The following ACSL4 variants were observed in gnomAD, a reference collection of about 807,000 sequenced individuals.
ACSL4 encodes long-chain-fatty-acid--CoA ligase 4.
Under a neutral mutation model 49.1 loss-of-function variants are expected in ACSL4, and 9 were observed. The observed-to-expected ratio is 0.18, with a 90% CI of 0.11 to 0.32. The LOEUF is 0.32. Among genes scored for constraint, ACSL4 ranks in the 10% least tolerant of loss-of-function variants. The pLI, the probability that ACSL4 is intolerant of heterozygous loss-of-function variation, is 1.00. For synonymous variants in ACSL4, 191 were observed against 170.3 expected (o/e 1.12, Z -0.95); for missense variants, 333 against 493.7 (o/e 0.67, Z 3.08).
At chrX:109,683,016 T>G (rs1483149159) in intron 3 of ACSL4, 120 bp from the exon 4 acceptor site, 4 of 1,025,299 alleles carry the variant, frequency 3.9e-6, no homozygotes, top group Non-Finnish European at 4.0e-6. Context: ...GAGCGGCTTC[T>G]GAGTAGTTTT....
chrX:109,720,897 G>A (rs895767837), intron 1 of ACSL4, among the ~76,000 whole-genome samples: 3 of 111,857 alleles, frequency 2.7e-5, no homozygotes, highest in Admixed American at 9.5e-5. Flanking sequence ...TGACCAAATC[G>A]GGAAAGTTTC....
intron 4 of ACSL4, 28 bp downstream of exon 4, chrX:109,682,691 C>A: frequency 8.3e-7 from 1 of 1,207,600 alleles, no homozygotes; most frequent in Non-Finnish European, 1.1e-6. Flanking sequence ...ACCCTCCTCT[C>A]CCCCCTCCAA....
chrX:109,680,915 T>C, intron 6 of ACSL4, 83 bp downstream of exon 6: 1 of 1,029,342 alleles, frequency 9.7e-7, no homozygotes, highest in Non-Finnish European at 1.4e-6. Context: ...TTTGTGGATT[T>C]ACTCATGTCA....
At chrX:109,727,657 T>TTG (rs35186119) in intron 1 of ACSL4, among the ~76,000 whole-genome samples, 3,630 of 88,169 alleles carry the variant, frequency 0.041, 99 homozygotes, top group Middle Eastern at 0.068. Context: ...GTTTGTTAAA[T>TTG]TGTGTGTGTG....
chrX:109,660,492 A>G (rs1922083034), intron 14 of ACSL4, among the ~76,000 whole-genome samples: 1 of 112,043 alleles, frequency 8.9e-6, no homozygotes, highest in Admixed American at 9.5e-5. Flanking sequence ...GAAATGTAAA[A>G]ATGGTGCTGT....
At chrX:109,651,692 T>C (rs922337364) in intron 15 of ACSL4, among the ~76,000 whole-genome samples, 2 of 111,968 alleles carry the variant, frequency 1.8e-5, no homozygotes, top group East Asian at 5.6e-4. Flanking sequence ...CAATTTTTTA[T>C]TTCATTTTAC....
chrX:109,654,253 A>G (rs1287659931), intron 15 of ACSL4, among the ~76,000 whole-genome samples: 1 of 110,991 alleles, frequency 9.0e-6, no homozygotes, highest in Non-Finnish European at 1.9e-5. Flanking sequence ...GCTTAAGTAT[A>G]TATACCAAAA....
chrX:109,684,510 C>T (rs1321250917), intron 2 of ACSL4, among the ~76,000 whole-genome samples: 1 of 112,264 alleles, frequency 8.9e-6, no homozygotes, highest in Non-Finnish European at 1.9e-5. Context: ...TGGAGTTGCT[C>T]TGGCCAAAAC....
At position 109,674,436 on chromosome X, in the gene ACSL4, G is replaced by C; in HGVS notation, c.968C>G (p.Thr323Ser). 8.3e-7 allele frequency: 1 copy of C among 1,206,657 alleles called. No individual in the cohort carries two copies. Among genetic ancestry groups the C allele is most frequent in the Non-Finnish European group, 1.1e-6 (1 of 892,191 alleles). ...AGCCATAAGTGTGGGCTTCAGTACA[G>C]TACAGTCTCCTTTGCTTCCTTTTTT... Reference protein sequence around the residue: ...KIKKGSKGDCTVLKPTLMAAV... With the variant: ...KIKKGSKGDCSVLKPTLMAAV... Residue 323 changes from threonine (T) to serine (S), a missense_variant, in exon 9 of 16, where the codon ACT (threonine) becomes AGT (serine). Transcript: ENST00000672401.
intron 1 of ACSL4, among the ~76,000 whole-genome samples, chrX:109,710,263 C>G (rs888510707): frequency 2.7e-5 from 3 of 111,711 alleles, no homozygotes; most frequent in Admixed American, 9.5e-5. Context: ...CCATAGAGAA[C>G]AAGGCAAGAA....
intron 15 of ACSL4, among the ~76,000 whole-genome samples, chrX:109,646,521 G>A (rs1338849390): frequency 9.1e-6 from 1 of 109,442 alleles, no homozygotes; most frequent in Non-Finnish European, 1.9e-5. Context: ...CCTGAAGGAA[G>A]TGCTAAACAT....
intron 15 of ACSL4, among the ~76,000 whole-genome samples, chrX:109,650,770 A>G (rs1921047159): frequency 8.9e-6 from 1 of 112,092 alleles, no homozygotes; most frequent in African/African-American, 3.2e-5. Context: ...TCACCACCCA[A>G]CATATTATAT....
intron 1 of ACSL4, among the ~76,000 whole-genome samples, chrX:109,719,970 G>T (rs2147537758): frequency 9.1e-6 from 1 of 110,072 alleles, no homozygotes; most frequent in African/African-American, 3.3e-5. Flanking sequence ...TCCAGCCTGG[G>T]CAACAAGAGC....
At chrX:109,680,460 G>T (rs753304582) in intron 6 of ACSL4, among the ~76,000 whole-genome samples, 1 of 112,124 alleles carries the variant, frequency 8.9e-6, no homozygotes, top group Non-Finnish European at 1.9e-5. Flanking sequence ...TTCAAATGGA[G>T]TATTAATTTC....
At chrX:109,673,280 G>C (rs1923421111) in intron 9 of ACSL4, among the ~76,000 whole-genome samples, 1 of 111,751 alleles carries the variant, frequency 8.9e-6, no homozygotes, top group Non-Finnish European at 1.9e-5. Context: ...CAGATTGGTA[G>C]AGTTCAAACT....
chrX:109,649,335 T>C (rs1229727335), intron 15 of ACSL4, among the ~76,000 whole-genome samples: 2 of 110,895 alleles, frequency 1.8e-5, no homozygotes, highest in African/African-American at 3.3e-5. Context: ...GAGATACAGA[T>C]CAATGGAACA....
chrX:109,728,315 A>G (rs1282324124), intron 1 of ACSL4, among the ~76,000 whole-genome samples: 1 of 112,586 alleles, frequency 8.9e-6, no homozygotes, highest in Non-Finnish European at 1.9e-5. Context: ...ATGGTCATGA[A>G]TCATAACTTC....
rs759573600 is a variant in ACSL4, at chrX:109,699,457, T to C, written c.-65-3261A>G. Among the ~76,000 whole-genome samples the C allele has an allele frequency of 1.8e-4, 20 of 112,709 alleles. No homozygotes were observed. The South Asian group carries it at 2.2e-3, about 12-fold the overall frequency. ...AAACAATTCCCTAAACAATGGTCCT[T>C]GATAGGTCTTATTTTAGATAAGTAT... On this transcript the variant is annotated intron_variant, in intron 1 of 15. Transcript: ENST00000672401.
intron 3 of ACSL4, 78 bp from the exon 4 acceptor site, chrX:109,682,974 A>G (rs1924293454): frequency 9.2e-7 from 1 of 1,092,229 alleles, no homozygotes; most frequent in Non-Finnish European, 1.2e-6. Context: ...TAAAACTCTA[A>G]AAATGCTCTT....
Sources: allele counts gnomAD v4.1 joint callset (sites outside exome capture counted in the v4.1 genomes callset), GRCh38; gene constraint gnomAD v4.1.1; transcripts MANE v1.5; gene names NCBI Gene and HGNC (gene_info 2026-07-23, HGNC 2026-07-21).